PPFIA2: variants seen among roughly 807,000 people sequenced by gnomAD.
PPFIA2 encodes liprin-alpha-2.
In PPFIA2, 46 loss-of-function variants were observed where a neutral mutation model predicts 175.5. That is an observed-to-expected ratio of 0.26 (90% CI 0.21 to 0.34). The LOEUF (loss-of-function observed/expected upper bound fraction) is 0.34, where lower values mean the gene tolerates loss of function less well. Ranked by LOEUF, PPFIA2 falls within the 10% of genes least tolerant of loss-of-function variation. The pLI is 1.00. For synonymous variants in PPFIA2, 568 were observed against 511.4 expected, an observed-to-expected ratio of 1.11 and a Z score of -1.49; for missense variants, 1,179 against 1,506.1, an observed-to-expected ratio of 0.78 and a Z score of 3.60.
intron 3 of PPFIA2, among the ~76,000 whole-genome samples, chr12:81,687,827 ATATT>A (rs1271996338): frequency 2.6e-5 from 4 of 151,922 alleles, no homozygotes; most frequent in Admixed American, 2.6e-4. Flanking sequence ...ACAGTAAACA[ATATT>A]AATTATTATT....
Position 81,369,091 on chromosome 12 carries a change from A to T in PPFIA2, c.1350+20T>A. 1 of 1,550,636 alleles carries T rather than the reference A, an allele frequency of 6.4e-7. No homozygotes were observed. Among genetic ancestry groups the T allele is most frequent in the Non-Finnish European group, 8.9e-7 (1 of 1,128,118 alleles). Reference sequence around the variant, plus strand: ...TTCATAAACCAATGATTGGGGGGTAATAGTTCTTAATATACATACTCTTTG... The same window carrying T: ...TTCATAAACCAATGATTGGGGGGTATTAGTTCTTAATATACATACTCTTTG... On this transcript the variant is annotated intron_variant, in intron 12 of 32. Coordinates refer to ENST00000549396, the MANE Select transcript of PPFIA2 (RefSeq NM_003625.5).
At chr12:81,362,009 C>G (rs201257186) in intron 15 of PPFIA2, among the ~76,000 whole-genome samples, 19 of 18,596 alleles carry the variant, frequency 1.0e-3, no homozygotes, top group East Asian at 1.3e-3. Context: ...ATCTATGTAT[C>G]TATCTATCTA....
chr12:81,346,868 C>T (rs376016095), intron 18 of PPFIA2, among the ~76,000 whole-genome samples: 45 of 151,752 alleles, frequency 3.0e-4, no homozygotes, highest in East Asian at 1.2e-3. Flanking sequence ...TGATTTCCTC[C>T]GTATGCCATC....
intron 4 of PPFIA2, among the ~76,000 whole-genome samples, chr12:81,508,530 A>AT (rs2061430451): frequency 6.7e-6 from 1 of 149,466 alleles, no homozygotes; most frequent in African/African-American, 2.5e-5. Context: ...TCAAAAAAAA[A>AT]AAAAAAAAAA....
chr12:81,346,678 A>C (rs904780734), intron 18 of PPFIA2, among the ~76,000 whole-genome samples: 2 of 151,608 alleles, frequency 1.3e-5, no homozygotes, highest in Non-Finnish European at 2.9e-5. Flanking sequence ...TGAATATAAA[A>C]TCTAAAACAA....
chr12:81,324,489 A>G (rs1163447972), intron 22 of PPFIA2, among the ~76,000 whole-genome samples: 3 of 152,038 alleles, frequency 2.0e-5, no homozygotes, highest in African/African-American at 7.2e-5. Flanking sequence ...TCCATTAGTC[A>G]GGCTGGGTTT....
intron 6 of PPFIA2, 75 bp downstream of exon 6, chr12:81,445,481 C>A: frequency 7.1e-7 from 1 of 1,413,064 alleles, no homozygotes; most frequent in South Asian, 1.4e-5. Flanking sequence ...TCAGGTGAGT[C>A]AATGGATGAA....
intron 4 of PPFIA2, among the ~76,000 whole-genome samples, chr12:81,522,358 C>T (rs886788870): frequency 6.6e-6 from 1 of 151,942 alleles, no homozygotes; most frequent in Non-Finnish European, 1.5e-5. Flanking sequence ...TTGGATGCAA[C>T]TACATATGTC....
At chr12:81,634,750 A>G (rs529745967) in intron 4 of PPFIA2, among the ~76,000 whole-genome samples, 3 of 152,162 alleles carry the variant, frequency 2.0e-5, no homozygotes, top group Middle Eastern at 6.8e-3. Context: ...AATTCTGAAA[A>G]TTCCAGAGGT....
At chr12:81,277,191 A>G (rs897769142) in intron 28 of PPFIA2, 126 bp downstream of exon 28, 17 of 742,880 alleles carry the variant, frequency 2.3e-5, no homozygotes, top group Non-Finnish European at 3.1e-5. Context: ...AAAAACAGTA[A>G]CAATTCTAGC....
intron 4 of PPFIA2, among the ~76,000 whole-genome samples, chr12:81,617,958 G>A (rs1021484372): frequency 6.6e-6 from 1 of 152,140 alleles, no homozygotes; most frequent in Admixed American, 6.5e-5. Flanking sequence ...GGTGTGGAGG[G>A]ACAAGAACTA....
intron 5 of PPFIA2, among the ~76,000 whole-genome samples, chr12:81,447,557 T>C (rs1232879360): frequency 1.3e-5 from 2 of 152,212 alleles, no homozygotes; most frequent in African/African-American, 2.4e-5. Context: ...CTAAAGTAAG[T>C]TTCTCCTTTT....
intron 9 of PPFIA2, among the ~76,000 whole-genome samples, chr12:81,381,864 C>A (rs1256147506): frequency 6.6e-6 from 1 of 151,950 alleles, no homozygotes; most frequent in East Asian, 1.9e-4. Flanking sequence ...ATCATTCACA[C>A]CTTCTGATAT....
chr12:81,326,369 G>C (rs2054761491), intron 21 of PPFIA2, among the ~76,000 whole-genome samples: 1 of 152,084 alleles, frequency 6.6e-6, no homozygotes, highest in East Asian at 1.9e-4. Flanking sequence ...ACTTCTAAGA[G>C]CTCTTCATAG....
At chr12:81,352,498 G>A (rs138660095) in intron 17 of PPFIA2, among the ~76,000 whole-genome samples, 19 of 151,384 alleles carry the variant, frequency 1.3e-4, no homozygotes, top group African/African-American at 4.4e-4. Flanking sequence ...CCTTTCCCTG[G>A]AGCCAGGAAG....
At chr12:81,499,074 G>A (rs1488371964) in intron 4 of PPFIA2, among the ~76,000 whole-genome samples, 1 of 152,204 alleles carries the variant, frequency 6.6e-6, no homozygotes, top group African/African-American at 2.4e-5. Context: ...TAGCAGGTAG[G>A]GTGCTGCAAG....
chr12:81,580,961 G>T (rs116313580), intron 4 of PPFIA2, among the ~76,000 whole-genome samples: 1 of 151,678 alleles, frequency 6.6e-6, no homozygotes, highest in Non-Finnish European at 1.5e-5. Context: ...TGAGGTAAGC[G>T]CAACATTATA....
At chr12:81,598,276 A>T (rs2059458886) in intron 4 of PPFIA2, 9 of 1,244,824 alleles carry the variant, frequency 7.2e-6, no homozygotes, top group East Asian at 3.6e-5. Flanking sequence ...AATGTTTTTT[A>T]AAAAATTAAA....
chr12:81,695,139 T>C (rs865994009), intron 3 of PPFIA2, among the ~76,000 whole-genome samples: 3 of 152,164 alleles, frequency 2.0e-5, no homozygotes, highest in Non-Finnish European at 2.9e-5. Flanking sequence ...GAGTTTACAC[T>C]GGAATTAGTT....
Sources: gnomAD v4.1 joint callset for allele counts (sites outside exome capture counted in the v4.1 genomes callset) on GRCh38, gnomAD v4.1.1 for gene constraint, MANE v1.5 for transcripts, NCBI Gene and HGNC (gene_info 2026-07-23, HGNC 2026-07-21) for gene names.